The following MTREX variants were observed in gnomAD, a reference collection of about 807,000 sequenced individuals.
MTREX encodes the protein Mtr4 exosome RNA helicase, also known as exosome RNA helicase MTR4.
In MTREX, 76 loss-of-function variants were observed where a neutral mutation model predicts 135.4. The observed-to-expected ratio is 0.56, with a 90% CI of 0.47 to 0.68. The LOEUF (loss-of-function observed/expected upper bound fraction) is 0.68. Ranked by LOEUF, MTREX falls within the 30% of genes least tolerant of loss-of-function variation. MTREX has a pLI of 0.00. For synonymous variants in MTREX, 404 were observed against 401.6 expected (o/e 1.01, Z -0.07); for missense variants, 920 against 1,262.1 (o/e 0.73, Z 4.11).
intron 22 of MTREX, among the ~76,000 whole-genome samples, chr5:55,408,463 ACTTAACT>A (rs1428067576): frequency 6.6e-6 from 1 of 152,076 alleles, no homozygotes; most frequent in Non-Finnish European, 1.5e-5. Flanking sequence ...TCTTTGCTTG[ACTTAACT>A]CTTAAGCTTA....
chr5:55,358,315 A>G lies in MTREX; in HGVS notation c.1534-258A>G, dbSNP rs75998914. On this transcript the variant is annotated intron_variant, in intron 14 of 26. Transcript: ENST00000230640. ...CTTTAAATTTAGATTAAAAGCATAA[A>G]TTTTCGATCCAAAATGATAATAAGT... Among the ~76,000 whole-genome samples, 696 of 152,264 alleles carry G rather than the reference A, an allele frequency of 4.6e-3. 5 individuals are homozygous for G. The highest frequency in any genetic ancestry group is 0.016 in the African/African-American group (663 of 41,550).
chr5:55,319,229 AT>A (rs956887917), intron 1 of MTREX, among the ~76,000 whole-genome samples: 1 of 152,218 alleles, frequency 6.6e-6, no homozygotes, highest in African/African-American at 2.4e-5. Flanking sequence ...GAAATTATAT[AT>A]TGATACAGTA....
intron 7 of MTREX, among the ~76,000 whole-genome samples, 182 bp from the exon 8 acceptor site, chr5:55,343,149 A>G (rs1192671205): frequency 6.6e-6 from 1 of 152,184 alleles, no homozygotes; most frequent in Non-Finnish European, 1.5e-5. Flanking sequence ...TTAGTCTACT[A>G]ATTTTCTACT....
chr5:55,351,044 T>G lies in MTREX; in HGVS notation c.1431+15T>G. The G allele has an allele frequency of 6.3e-7, 1 of 1,583,438 alleles. No homozygotes were observed. Among genetic ancestry groups the G allele is most frequent in the Non-Finnish European group, 8.5e-7 (1 of 1,171,346 alleles). ...GATTGATAAAGGTATGGTTTTATTT[T>G]TATTTTTTATGCCCCCATATCATGT... On this transcript the variant is annotated intron_variant, in intron 13 of 26. Coordinates refer to ENST00000230640, the MANE Select transcript of MTREX (RefSeq NM_015360.5).
intron 5 of MTREX, among the ~76,000 whole-genome samples, chr5:55,337,273 A>G (rs1247365720): frequency 1.3e-5 from 2 of 152,006 alleles, no homozygotes; most frequent in Admixed American, 6.6e-5. Flanking sequence ...GACGTGCGCT[A>G]CCACACCCAG....
At chr5:55,387,902 A>G (rs971058691) in intron 18 of MTREX, 72 bp from the exon 19 acceptor site, 9 of 1,434,990 alleles carry the variant, frequency 6.3e-6, no homozygotes, top group South Asian at 4.3e-5. Context: ...AATAGTTCCT[A>G]TACAGATGGA....
chr5:55,366,634 G>T, intron 15 of MTREX, 91 bp from the exon 16 acceptor site: 1 of 902,020 alleles, frequency 1.1e-6, no homozygotes, highest in Non-Finnish European at 1.6e-6. Flanking sequence ...ATTTCTTAAT[G>T]TAGACTGTTA....
rs1749699349 is a variant in MTREX, at chr5:55,344,505, ATTCT to A, written c.907-10_907-7del. The stretch of plus-strand genomic sequence containing the variant: ...GAGGAAATAAAATTTTGTATGTTTA[ATTCT>A]TTCTTTTTACAGCCTTGTCATGTTA... On this transcript the variant is annotated splice_polypyrimidine_tract_variant and intron_variant, in intron 8 of 26. Transcript: ENST00000230640. 2 of 1,540,526 alleles carry A rather than the reference ATTCT, an allele frequency of 1.3e-6. No individual in the cohort carries two copies. The highest frequency in any genetic ancestry group is 1.7e-5 in the Admixed American group (1 of 59,360).
intron 3 of MTREX, among the ~76,000 whole-genome samples, chr5:55,326,134 C>T (rs1468620490): frequency 2.0e-5 from 3 of 152,080 alleles, no homozygotes; most frequent in East Asian, 1.9e-4. Context: ...CAGTGGCTCA[C>T]GTCTATAATC....
rs1469600268 is a variant in MTREX, at chr5:55,308,239, A to G, written c.134+92A>G. The stretch of plus-strand genomic sequence containing the variant: ...TCTTAGGAAGAGCACGAGAAAGTGA[A>G]GTGTACATTGAGTGGCGTTGGAAGT... On this transcript the variant is annotated intron_variant, in intron 1 of 26. Transcript: ENST00000230640. The G allele has an allele frequency of 3.5e-6, 5 of 1,434,928 alleles. No individual in the cohort carries two copies. The Admixed American group carries it at 1.0e-4, about 29-fold the overall frequency. 88.9% of individuals were successfully genotyped at this position (1,434,928 alleles called of 1,614,324 possible).
chr5:55,394,333 A>G (rs920451277), intron 19 of MTREX, among the ~76,000 whole-genome samples: 4 of 152,230 alleles, frequency 2.6e-5, no homozygotes, highest in African/African-American at 9.6e-5. Flanking sequence ...CTGGTTCACA[A>G]ATTGGTGGCC....
In MTREX at chr5:55,414,177, T is replaced by G; in HGVS notation, c.2752-5T>G. The G allele has an allele frequency of 6.4e-7, 1 of 1,552,220 alleles. No homozygotes were observed. Among genetic ancestry groups the G allele is most frequent in the Non-Finnish European group, 8.6e-7 (1 of 1,159,122 alleles). On this transcript the variant is annotated splice_region_variant and splice_polypyrimidine_tract_variant and intron_variant, in intron 23 of 26. Transcript: ENST00000230640. Reference sequence around the variant, plus strand: ...TTTATATCTTGTTTTCCTTTTCTTTTATAGTCTAGTGAGATGCCCAAATTA... The same window carrying G: ...TTTATATCTTGTTTTCCTTTTCTTTGATAGTCTAGTGAGATGCCCAAATTA...
intron 22 of MTREX, among the ~76,000 whole-genome samples, chr5:55,407,019 T>C (rs1750818659): frequency 6.6e-6 from 1 of 152,336 alleles, no homozygotes; most frequent in East Asian, 1.9e-4. Context: ...AGATATATCT[T>C]GTTTTGTCCA....
intron 18 of MTREX, among the ~76,000 whole-genome samples, chr5:55,380,600 A>T (rs558964905): frequency 6.6e-6 from 1 of 152,282 alleles, no homozygotes; most frequent in East Asian, 1.9e-4. Context: ...TCAGATGTTA[A>T]CATGACTGGA....
At chr5:55,342,897 T>G (rs576218657) in intron 7 of MTREX, among the ~76,000 whole-genome samples, 18 of 152,360 alleles carry the variant, frequency 1.2e-4, no homozygotes, top group African/African-American at 4.3e-4. Context: ...CATCAAGTCT[T>G]TCTTTCATCT....
chr5:55,371,611 G>C (rs991503021), intron 16 of MTREX, among the ~76,000 whole-genome samples: 9 of 152,042 alleles, frequency 5.9e-5, no homozygotes, highest in Non-Finnish European at 1.3e-4. Flanking sequence ...GTCTGATTGG[G>C]GTGGAAGAGG....
At chr5:55,423,628 T>C (rs924985332) in intron 26 of MTREX, 1 of 152,348 alleles carries the variant, frequency 6.6e-6, no homozygotes, top group Non-Finnish European at 1.5e-5. Context: ...AGGTAATTGT[T>C]GCTCTTACAT....
chr5:55,354,836 G>C (rs906633613), intron 14 of MTREX, among the ~76,000 whole-genome samples: 2 of 152,168 alleles, frequency 1.3e-5, no homozygotes, highest in Non-Finnish European at 2.9e-5. Context: ...GGTTTGTGGT[G>C]GGGGGAAGGT....
Position 55,322,377 on chromosome 5 carries a change from A to G in MTREX, c.185A>G (p.Asn62Ser), listed in dbSNP as rs1462062690. 1 of 1,610,398 alleles carries G rather than the reference A, an allele frequency of 6.2e-7. No homozygotes were observed. Among genetic ancestry groups the G allele is most frequent in the Non-Finnish European group, 8.5e-7 (1 of 1,177,770 alleles). The change falls in exon 2 of 27, where the codon AAT becomes AGT. Residue 62 changes from asparagine to serine, a missense_variant. Physicochemically the swap from Asn to Ser is conservative, Grantham distance 46 (BLOSUM62 1). Transcript: ENST00000230640. ...LQSESTNNGK[N>S]KRDVDFEGTD... Reference sequence around the variant, plus strand: ...TCAGAATCAACTAATAATGGAAAAAATAAGAGAGATGTAGATTTCGAAGGT... The same window carrying G: ...TCAGAATCAACTAATAATGGAAAAAGTAAGAGAGATGTAGATTTCGAAGGT...
Sources: allele counts gnomAD v4.1 joint callset (sites outside exome capture counted in the v4.1 genomes callset), GRCh38; gene constraint gnomAD v4.1.1; transcripts MANE v1.5; gene names NCBI Gene and HGNC (gene_info 2026-07-23, HGNC 2026-07-21).